The following ADAM22 variants were observed in gnomAD, a reference collection of about 807,000 sequenced individuals.
ADAM22 encodes the protein disintegrin and metalloproteinase domain-containing protein 22.
A neutral mutation model predicts 144.6 loss-of-function variants in ADAM22; 65 were observed. The ratio of observed to expected loss-of-function variants is 0.45; its 90% CI spans 0.37 to 0.55. The LOEUF (loss-of-function observed/expected upper bound fraction) is 0.55. Ranked by LOEUF, ADAM22 falls within the 20% of genes least tolerant of loss-of-function variation. The pLI, the probability that ADAM22 is intolerant of heterozygous loss-of-function variation, is 0.00. For missense variants in ADAM22, 974 were observed against 1,184.9 expected, an observed-to-expected ratio of 0.82 and a Z score of 2.61; for synonymous variants, 391 against 412.6, an observed-to-expected ratio of 0.95 and a Z score of 0.63.
chr7:88,167,508 A>G (rs938820336), intron 24 of ADAM22, among the ~76,000 whole-genome samples: 1 of 152,114 alleles, frequency 6.6e-6, no homozygotes, highest in Admixed American at 6.6e-5. Flanking sequence ...CTCTCCTGCC[A>G]CATCAGCTCC....
chr7:87,980,532 A>AT (rs1343765065), intron 3 of ADAM22, among the ~76,000 whole-genome samples: 4 of 152,016 alleles, frequency 2.6e-5, no homozygotes, highest in African/African-American at 9.7e-5. Context: ...CATATAGAAA[A>AT]TTTTTTTAAC....
intron 3 of ADAM22, among the ~76,000 whole-genome samples, chr7:88,048,688 T>C (rs965159744): frequency 6.6e-6 from 1 of 152,112 alleles, no homozygotes; most frequent in African/African-American, 2.4e-5. Flanking sequence ...ACATTAATAG[T>C]ATCAACTATT....
chr7:87,998,321 G>A (rs539677754), intron 3 of ADAM22, among the ~76,000 whole-genome samples: 3 of 152,188 alleles, frequency 2.0e-5, no homozygotes, highest in South Asian at 2.1e-4. Flanking sequence ...CAATCAAGTT[G>A]ACACTCAATA....
chr7:88,057,655 G>A (rs1276371013), intron 3 of ADAM22, among the ~76,000 whole-genome samples: 2 of 152,104 alleles, frequency 1.3e-5, no homozygotes, highest in Non-Finnish European at 1.5e-5. Context: ...ACATTTTAGT[G>A]GAATCAAAAT....
chr7:88,082,049 G>A (rs200804114), intron 4 of ADAM22, among the ~76,000 whole-genome samples: 83,880 of 151,428 alleles, frequency 0.55, 24,260 homozygotes, highest in East Asian at 0.87. Flanking sequence ...AGCCAAAAGA[G>A]CAAAACTGGA....
intron 4 of ADAM22, among the ~76,000 whole-genome samples, chr7:88,085,575 T>C (rs563754469): frequency 1.4e-4 from 21 of 152,188 alleles, no homozygotes; most frequent in African/African-American, 5.1e-4. Flanking sequence ...TCATGATAAA[T>C]CTTTTAGATT....
In ADAM22 at chr7:88,168,194, C is replaced by T. The variant is rs776796181; in HGVS notation, c.2249C>T (p.Ala750Val). ...GIIAGTILVL[A>V]LILGITAWGY... Reference sequence around the variant, plus strand: ...ATTGCTGGCACCATTTTAGTGCTGGCCCTCATATTAGGAATAACTGCGTGG... The same window carrying T: ...ATTGCTGGCACCATTTTAGTGCTGGTCCTCATATTAGGAATAACTGCGTGG... The change falls in exon 25 of 32, where the codon GCC (alanine) becomes GTC (valine). Residue 750 changes from alanine (A) to valine (V), a missense_variant. This residue lies in a region of ADAM22 where 734 missense variants were observed against 950.6 expected (regional missense o/e 0.77). Coordinates refer to ENST00000413139, the MANE Select transcript of ADAM22 (RefSeq NM_001324418.2). 10 of 1,613,030 alleles carry T rather than the reference C, an allele frequency of 6.2e-6. No individual in the cohort carries two copies. The highest frequency in any genetic ancestry group is 8.5e-6 in the Non-Finnish European group (10 of 1,179,516).
Position 88,114,661 on chromosome 7 carries a change from CTGTT to C in ADAM22, c.537+19_537+22del. 1.2e-6 allele frequency: 2 copies of C among 1,613,060 alleles called. No homozygotes were observed. Among genetic ancestry groups the C allele is most frequent in the Non-Finnish European group, 1.7e-6 (2 of 1,179,340 alleles). On this transcript the variant is annotated intron_variant, in intron 6 of 31. Transcript: ENST00000413139. ...GACACTACTCAAGTAAGTGCTCCTT[CTGTT>C]TGTTGTGGCAAATGGAAATGTTTAT... is the stretch of plus-strand genomic sequence containing the variant.
chr7:88,168,158 T>C lies in ADAM22; in HGVS notation c.2213T>C (p.Ile738Thr). ...TCAGGTGTTGCTGGCACCAATATCATAATAGGCATAATTGCTGGCACCATT... is the reference window on the plus strand; with the variant it reads ...TCAGGTGTTGCTGGCACCAATATCACAATAGGCATAATTGCTGGCACCATT... ...SGNGVAGTNIIIGIIAGTILV... is the reference protein window; with the variant it reads ...SGNGVAGTNITIGIIAGTILV... Residue 738 changes from isoleucine to threonine, a missense_variant, in exon 25 of 32, where the codon ATA becomes ACA. By Grantham distance (89) the Ile-to-Thr change is moderately conservative. Around this residue, in one of 2 missense-constraint regions of ADAM22, gnomAD observed 734 missense variants for 950.6 expected, o/e 0.77. Transcript: ENST00000413139. The C allele has an allele frequency of 6.2e-7, 1 of 1,613,308 alleles. No homozygotes were observed. Among genetic ancestry groups the C allele is most frequent in the Non-Finnish European group, 8.5e-7 (1 of 1,179,518 alleles).
At chr7:88,021,877 T>A (rs1247434949) in intron 3 of ADAM22, among the ~76,000 whole-genome samples, 2 of 151,838 alleles carry the variant, frequency 1.3e-5, no homozygotes, top group African/African-American at 4.8e-5. Flanking sequence ...ATTACATTTT[T>A]TTTTTTTCTT....
intron 17 of ADAM22, 81 bp from the exon 18 acceptor site, chr7:88,148,896 T>C: frequency 9.0e-7 from 1 of 1,107,516 alleles, no homozygotes; most frequent in Non-Finnish European, 1.3e-6. Context: ...CCAAACAATT[T>C]TCATTTTGTT....
At chr7:88,098,023 C>A (rs1821901382) in intron 4 of ADAM22, among the ~76,000 whole-genome samples, 1 of 152,110 alleles carries the variant, frequency 6.6e-6, no homozygotes, top group Admixed American at 6.6e-5. Flanking sequence ...TTACAGTAAT[C>A]TGTTGCTGAG....
chr7:88,041,229 C>T (rs1803054102), intron 3 of ADAM22, among the ~76,000 whole-genome samples: 1 of 151,938 alleles, frequency 6.6e-6, no homozygotes, highest in African/African-American at 2.4e-5. Context: ...AGGAATTGTG[C>T]AGGGGGTATA....
intron 24 of ADAM22, 94 bp from the exon 25 acceptor site, chr7:88,168,043 G>A (rs190771778): frequency 3.1e-6 from 3 of 956,896 alleles, no homozygotes; most frequent in African/African-American, 3.3e-5. Flanking sequence ...AAAACAAACA[G>A]TGTTGTTAGT....
intron 3 of ADAM22, among the ~76,000 whole-genome samples, chr7:88,007,918 G>T (rs1225779633): frequency 6.6e-6 from 1 of 152,184 alleles, no homozygotes; most frequent in Non-Finnish European, 1.5e-5. Context: ...TTAAACTAAA[G>T]AGCTTCTGCA....
At chr7:87,960,382 G>T (rs1040508106) in intron 2 of ADAM22, among the ~76,000 whole-genome samples, 2 of 151,416 alleles carry the variant, frequency 1.3e-5, no homozygotes, top group Admixed American at 1.3e-4. Context: ...TGGGGTGTGT[G>T]TGTGTGTGTG....
At chr7:88,162,097 TACACACAC>T (rs61053925) in intron 22 of ADAM22, among the ~76,000 whole-genome samples, 77 of 136,826 alleles carry the variant, frequency 5.6e-4, no homozygotes, top group Admixed American at 2.4e-3. Flanking sequence ...AAATGTGTAA[TACACACAC>T]ACACACACAC....
chr7:88,200,270 ATTAT>A lies in ADAM22; in HGVS notation c.*3783_*3786del, dbSNP rs1232916470. On this transcript the variant is annotated 3_prime_UTR_variant, in exon 32 of 32. Transcript: ENST00000413139. ...AGTACTTTAAATATTTTCTTATGTT[ATTAT>A]TTAACACAATAATAAATTCTTATCT... 1 of 152,130 alleles carries A rather than the reference ATTAT, an allele frequency of 6.6e-6. No individual in the cohort carries two copies. The highest frequency in any genetic ancestry group is 1.5e-5 in the Non-Finnish European group (1 of 68,016). 9.4% of individuals were successfully genotyped at this position (152,130 alleles called of 1,614,324 possible).
At chr7:88,000,719 A>C (rs1792346968) in intron 3 of ADAM22, among the ~76,000 whole-genome samples, 1 of 152,194 alleles carries the variant, frequency 6.6e-6, no homozygotes, top group East Asian at 1.9e-4. Context: ...ATAACATTAC[A>C]AATGAAGCTC....
Sources: allele counts gnomAD v4.1 joint callset (sites outside exome capture counted in the v4.1 genomes callset), GRCh38; gene constraint gnomAD v4.1.1; regional missense constraint gnomAD v4.1.1; transcripts MANE v1.5; gene names NCBI Gene and HGNC (gene_info 2026-07-23, HGNC 2026-07-21).